Variants in LRRC4C observed in about 807,000 individuals in gnomAD.
LRRC4C encodes leucine rich repeat containing 4C, also known as leucine-rich repeat-containing protein 4C.
LRRC4C carries 5 observed loss-of-function variants against 33.6 expected under a neutral mutation model. That is an observed-to-expected ratio of 0.15 (90% CI 0.08 to 0.31). The LOEUF (loss-of-function observed/expected upper bound fraction) is 0.31, where lower values mean the gene tolerates loss of function less well. LRRC4C is among the 10% of genes least tolerant of loss of function. The pLI is 1.00. For missense variants in LRRC4C, 560 were observed against 796.7 expected (o/e 0.70, Z 3.58); for synonymous variants, 329 against 302.0 (o/e 1.09, Z -0.93).
At chr11:40,721,504 G>C (rs932308231) in intron 2 of LRRC4C, among the ~76,000 whole-genome samples, 1 of 152,190 alleles carries the variant, frequency 6.6e-6, no homozygotes, top group Non-Finnish European at 1.5e-5. Context: ...AGTTTCAAGA[G>C]CAGCTGATAT....
At chr11:40,529,479 G>C (rs1013844159) in intron 3 of LRRC4C, among the ~76,000 whole-genome samples, 1 of 152,024 alleles carries the variant, frequency 6.6e-6, no homozygotes, top group African/African-American at 2.4e-5. Flanking sequence ...ATATAAACTA[G>C]GAGACAGATG....
In LRRC4C at chr11:41,307,173, G is replaced by A. The variant is rs1226973523; in HGVS notation, c.-496+152258C>T. Among the ~76,000 whole-genome samples, 5 of 152,052 alleles carry A rather than the reference G, an allele frequency of 3.3e-5. No individual in the cohort carries two copies. The East Asian group carries it at 9.7e-4, about 29-fold the overall frequency. ...CTGCTGAAGGGGAAAAAGTCAAAAT[G>A]AAAACTTAAATAACAACTCAATTTT... On this transcript the variant is annotated intron_variant, in intron 1 of 6. Transcript: ENST00000528697.
At chr11:41,423,700 A>G (rs76384096) in intron 1 of LRRC4C, among the ~76,000 whole-genome samples, 2,944 of 152,220 alleles carry the variant, frequency 0.019, 98 homozygotes, top group African/African-American at 0.068. Flanking sequence ...CATACAGGAC[A>G]TAGCAAATGC....
intron 5 of LRRC4C, among the ~76,000 whole-genome samples, chr11:40,195,771 C>T (rs996973034): frequency 6.6e-6 from 1 of 151,746 alleles, no homozygotes; most frequent in Non-Finnish European, 1.5e-5. Flanking sequence ...TCCTTGACTT[C>T]CAGAGGGCAA....
intron 2 of LRRC4C, among the ~76,000 whole-genome samples, chr11:40,798,189 C>T (rs2135246716): frequency 6.6e-6 from 1 of 152,246 alleles, no homozygotes; most frequent in South Asian, 2.1e-4. Context: ...TGCACATCAA[C>T]CACAAAAATT....
intron 2 of LRRC4C, among the ~76,000 whole-genome samples, chr11:40,727,310 A>G (rs1335615022): frequency 2.0e-5 from 3 of 152,206 alleles, no homozygotes; most frequent in African/African-American, 7.2e-5. Flanking sequence ...AAAATAAGCA[A>G]TAGGGGAAGG....
At chr11:41,179,185 C>CA (rs1555101643) in intron 1 of LRRC4C, among the ~76,000 whole-genome samples, 1 of 136,550 alleles carries the variant, frequency 7.3e-6, no homozygotes, top group East Asian at 2.1e-4. Flanking sequence ...CCTCAAGCCT[C>CA]TTTTTTTTTT....
chr11:41,316,786 T>C (rs1001870082), intron 1 of LRRC4C, among the ~76,000 whole-genome samples: 2 of 152,234 alleles, frequency 1.3e-5, no homozygotes, highest in Non-Finnish European at 2.9e-5. Flanking sequence ...AACCACTCTG[T>C]ATCAGAATTC....
intron 3 of LRRC4C, among the ~76,000 whole-genome samples, chr11:40,322,285 A>C (rs1039565416): frequency 6.6e-6 from 1 of 151,984 alleles, no homozygotes; most frequent in African/African-American, 2.4e-5. Flanking sequence ...TTACTCTGTC[A>C]CTCAGGCTGG....
rs1555166864 is a variant in LRRC4C at position 41,406,748 on chromosome 11, A to ACG, written c.-496+52682_-496+52683insCG. Reference sequence around the variant, plus strand: ...CACACACACACACACACACACACACACACGCACCCTTAATAAAAGAAAGTA... The same window carrying ACG: ...CACACACACACACACACACACACACACGCACGCACCCTTAATAAAAGAAAGTA... On this transcript the variant is annotated intron_variant, in intron 1 of 6. Coordinates refer to ENST00000528697, the MANE Select transcript of LRRC4C (RefSeq NM_001258419.2). Among the ~76,000 whole-genome samples the ACG allele has an allele frequency of 6.2e-3, 897 of 145,494 alleles. 15 individuals are homozygous for ACG. Among genetic ancestry groups the ACG allele is most frequent in the African/African-American group, 0.022 (851 of 38,138 alleles).
At chr11:40,135,549 T>A (rs1415258535) in intron 6 of LRRC4C, among the ~76,000 whole-genome samples, 4 of 152,184 alleles carry the variant, frequency 2.6e-5, no homozygotes, top group Non-Finnish European at 5.9e-5. Flanking sequence ...AGGAGCTGGG[T>A]CCTTATGGTA....
At chr11:40,342,133 T>C (rs185010291) in intron 3 of LRRC4C, among the ~76,000 whole-genome samples, 19 of 152,210 alleles carry the variant, frequency 1.2e-4, no homozygotes, top group Non-Finnish European at 1.0e-4. Context: ...AAAATATTAA[T>C]GTATAAATTT....
intron 1 of LRRC4C, among the ~76,000 whole-genome samples, chr11:41,053,394 G>T (rs1858395442): frequency 6.6e-6 from 1 of 152,146 alleles, no homozygotes; most frequent in East Asian, 1.9e-4. Flanking sequence ...AGGCTGTAAA[G>T]AATTGAATTA....
intron 1 of LRRC4C, among the ~76,000 whole-genome samples, chr11:40,987,630 G>GAT (rs747152583): frequency 0.11 from 9,781 of 88,488 alleles, 795 homozygotes; most frequent in Non-Finnish European, 0.13. Context: ...AGTGGGTAAT[G>GAT]ATATATATAT....
intron 3 of LRRC4C, among the ~76,000 whole-genome samples, chr11:40,464,109 G>A (rs1421400592): frequency 6.6e-6 from 1 of 151,958 alleles, no homozygotes; most frequent in African/African-American, 2.4e-5. Context: ...TAAACTGAAT[G>A]AAGTAGCCCT....
chr11:41,070,714 G>T (rs1395180732), intron 1 of LRRC4C, among the ~76,000 whole-genome samples: 1 of 152,102 alleles, frequency 6.6e-6, no homozygotes, highest in African/African-American at 2.4e-5. Context: ...ACCATAATGA[G>T]ATAACATTTC....
chr11:41,378,124 A>G (rs1417395497), intron 1 of LRRC4C, among the ~76,000 whole-genome samples: 1 of 152,134 alleles, frequency 6.6e-6, no homozygotes, highest in Non-Finnish European at 1.5e-5. Flanking sequence ...GAGGCAATTT[A>G]TATTAAAATA....
At chr11:40,323,045 T>A (rs975092435) in intron 3 of LRRC4C, among the ~76,000 whole-genome samples, 1 of 152,102 alleles carries the variant, frequency 6.6e-6, no homozygotes, top group African/African-American at 2.4e-5. Flanking sequence ...AAGTCACAAA[T>A]CTCTATACAT....
chr11:40,973,858 AAT>A (rs1851899992), intron 1 of LRRC4C, among the ~76,000 whole-genome samples: 1 of 152,060 alleles, frequency 6.6e-6, no homozygotes, highest in Non-Finnish European at 1.5e-5. Flanking sequence ...GTCTAGGTGG[AAT>A]ACTCATATAA....
Sources: allele counts gnomAD v4.1 joint callset (sites outside exome capture counted in the v4.1 genomes callset), GRCh38; gene constraint gnomAD v4.1.1; transcripts MANE v1.5; gene names NCBI Gene and HGNC (gene_info 2026-07-23, HGNC 2026-07-21).